ADAMTSL3: variants seen among roughly 807,000 people sequenced by gnomAD.
ADAMTSL3 encodes ADAMTS-like protein 3.
In ADAMTSL3, 128 loss-of-function variants were observed where a neutral mutation model predicts 201.7. The ratio of observed to expected loss-of-function variants is 0.63; its 90% confidence interval spans 0.55 to 0.73. The LOEUF (loss-of-function observed/expected upper bound fraction) is 0.73. Among genes scored for constraint, ADAMTSL3 ranks in the 30% least tolerant of loss-of-function variants. ADAMTSL3 has a pLI of 0.00. For missense variants in ADAMTSL3, 1,990 were observed against 2,119.6 expected, an observed-to-expected ratio of 0.94 and a Z score of 1.20; for synonymous variants, 738 against 748.4, an observed-to-expected ratio of 0.99 and a Z score of 0.23.
chr15:83,910,247 A>G (rs1199492881), intron 15 of ADAMTSL3, among the ~76,000 whole-genome samples: 1 of 152,094 alleles, frequency 6.6e-6, no homozygotes, highest in African/African-American at 2.4e-5. Context: ...TCCATGTGCA[A>G]AGACGTAGGT....
intron 3 of ADAMTSL3, among the ~76,000 whole-genome samples, chr15:83,735,314 C>T (rs1388619551): frequency 2.0e-5 from 3 of 152,140 alleles, no homozygotes; most frequent in Non-Finnish European, 4.4e-5. Flanking sequence ...GAGAGAAACA[C>T]AATCAGTTGC....
intron 2 of ADAMTSL3, among the ~76,000 whole-genome samples, chr15:83,691,199 G>C (rs2061603606): frequency 6.6e-6 from 1 of 152,094 alleles, no homozygotes; most frequent in Admixed American, 6.5e-5. Flanking sequence ...TTTCTCCTCA[G>C]GGAACTTTTT....
chr15:83,891,463 A>T, intron 12 of ADAMTSL3, 84 bp downstream of exon 12: 2 of 1,140,700 alleles, frequency 1.8e-6, no homozygotes, highest in East Asian at 2.3e-5. Flanking sequence ...CCTAAAATGT[A>T]TGAGGGTTAG....
chr15:83,897,750 T>A, intron 13 of ADAMTSL3, 108 bp from the exon 14 acceptor site: 1 of 1,270,544 alleles, frequency 7.9e-7, no homozygotes, highest in East Asian at 2.4e-5. Flanking sequence ...AAAAGTCTTT[T>A]GTGTTTAACA....
chr15:83,796,571 T>C (rs933601672), intron 4 of ADAMTSL3, among the ~76,000 whole-genome samples: 2 of 152,230 alleles, frequency 1.3e-5, no homozygotes, highest in Non-Finnish European at 2.9e-5. Flanking sequence ...TTTTCCCCTA[T>C]GTTAATCTAT....
At chr15:83,863,411 C>G (rs1229363213) in intron 8 of ADAMTSL3, among the ~76,000 whole-genome samples, 1 of 152,208 alleles carries the variant, frequency 6.6e-6, no homozygotes, top group African/African-American at 2.4e-5. Context: ...TTATAACAAA[C>G]TGTCTCTCAG....
At chr15:83,935,714 GA>G (rs995941386) in intron 17 of ADAMTSL3, among the ~76,000 whole-genome samples, 32 of 151,832 alleles carry the variant, frequency 2.1e-4, no homozygotes, top group African/African-American at 7.7e-4. Flanking sequence ...AAATGGCTCA[GA>G]AAAAAAATTC....
chr15:83,943,955 T>C (rs1400345493), intron 19 of ADAMTSL3, among the ~76,000 whole-genome samples: 1 of 137,900 alleles, frequency 7.3e-6, no homozygotes, highest in African/African-American at 2.9e-5. Flanking sequence ...CTGAATTTTA[T>C]ATATCCTATG....
intron 16 of ADAMTSL3, among the ~76,000 whole-genome samples, chr15:83,915,282 A>G (rs1423598958): frequency 6.6e-6 from 1 of 152,186 alleles, no homozygotes; most frequent in Non-Finnish European, 1.5e-5. Context: ...TTGGGAAAGC[A>G]TAGCATGCTG....
chr15:83,768,430 C>T (rs1382171912), intron 3 of ADAMTSL3, among the ~76,000 whole-genome samples: 1 of 152,114 alleles, frequency 6.6e-6, no homozygotes, highest in African/African-American at 2.4e-5. Flanking sequence ...TAGGTTTTAT[C>T]TGAAGAAACC....
At chr15:84,009,420 TATA>T (rs999397104) in intron 23 of ADAMTSL3, among the ~76,000 whole-genome samples, 7 of 152,188 alleles carry the variant, frequency 4.6e-5, no homozygotes, top group Admixed American at 4.6e-4. Flanking sequence ...GAAAACCAAT[TATA>T]ATAAAAATAT....
At chr15:83,777,076 C>CT (rs34546273) in intron 4 of ADAMTSL3, among the ~76,000 whole-genome samples, 42,949 of 151,978 alleles carry the variant, frequency 0.28, 6,301 homozygotes, top group South Asian at 0.56. Context: ...ACCACTCCTA[C>CT]TTGTGGGGCA....
chr15:83,952,114 G>A (rs1281202255), intron 19 of ADAMTSL3, among the ~76,000 whole-genome samples: 13 of 152,094 alleles, frequency 8.5e-5, no homozygotes, highest in African/African-American at 2.9e-4. Flanking sequence ...CCCTCTTAGT[G>A]TTGCTTTCAC....
At chr15:83,880,483 C>T (rs903611133) in intron 9 of ADAMTSL3, among the ~76,000 whole-genome samples, 1 of 152,134 alleles carries the variant, frequency 6.6e-6, no homozygotes, top group African/African-American at 2.4e-5. Flanking sequence ...GCAACAGAAA[C>T]CATGTAGCCT....
chr15:84,027,456 G>A (rs1253271366), intron 27 of ADAMTSL3, among the ~76,000 whole-genome samples: 1 of 152,196 alleles, frequency 6.6e-6, no homozygotes. Context: ...CGGGCGCGGT[G>A]ACTCACACCT....
chr15:83,776,712 C>T (rs1448986362), intron 4 of ADAMTSL3, among the ~76,000 whole-genome samples: 5 of 151,144 alleles, frequency 3.3e-5, no homozygotes, highest in Non-Finnish European at 7.4e-5. Context: ...GGCGAAACTC[C>T]GTCTCAAAAA....
chr15:83,728,695 A>G (rs765122399), intron 3 of ADAMTSL3, among the ~76,000 whole-genome samples: 1 of 152,002 alleles, frequency 6.6e-6, no homozygotes, highest in Middle Eastern at 3.4e-3. Flanking sequence ...TTTACATCTT[A>G]TTATACTGTC....
At chr15:83,773,785 G>A in intron 4 of ADAMTSL3, 135 bp downstream of exon 4, 1 of 1,245,940 alleles carries the variant, frequency 8.0e-7, no homozygotes, top group Non-Finnish European at 1.1e-6. Context: ...CTAAATATTA[G>A]TCAACCTAGG....
At chr15:84,037,638 A>G in intron 29 of ADAMTSL3, 62 bp from the exon 30 acceptor site, 5 of 1,482,816 alleles carry the variant, frequency 3.4e-6, no homozygotes, top group Non-Finnish European at 4.5e-6. Context: ...CATAAAGTCA[A>G]ATAATTTTTA....
Sources: allele counts gnomAD v4.1 joint callset (sites outside exome capture counted in the v4.1 genomes callset), GRCh38; gene constraint gnomAD v4.1.1; transcripts MANE v1.5; gene names NCBI Gene and HGNC (gene_info 2026-07-23, HGNC 2026-07-21).